The following CLUAP1 variants were observed in gnomAD, a reference collection of about 807,000 sequenced individuals.
CLUAP1 encodes the protein clusterin-associated protein 1.
Under a neutral mutation model 55.0 loss-of-function variants are expected in CLUAP1, and 50 were observed. That is an observed-to-expected ratio of 0.91 (90% CI 0.72 to 1.15). The LOEUF (loss-of-function observed/expected upper bound fraction) is 1.15. Ranked by LOEUF, CLUAP1 falls within the 50% of genes most tolerant of loss-of-function variation. The pLI, the probability that CLUAP1 is intolerant of heterozygous loss-of-function variation, is 0.00. For synonymous variants in CLUAP1, 195 were observed against 175.4 expected (o/e 1.11, Z -0.88); for missense variants, 530 against 507.6 (o/e 1.04, Z -0.42).
chr16:3,503,380 G>T (rs1353414101), intron 1 of CLUAP1, among the ~76,000 whole-genome samples: 1 of 152,174 alleles, frequency 6.6e-6, no homozygotes, highest in East Asian at 1.9e-4. Flanking sequence ...AGCCAGGATG[G>T]TCTCAATCTC....
chr16:3,512,653 G>A (rs2037652159), intron 5 of CLUAP1, among the ~76,000 whole-genome samples, 175 bp downstream of exon 5: 1 of 152,112 alleles, frequency 6.6e-6, no homozygotes, highest in South Asian at 2.1e-4. Context: ...GTGGGCACTG[G>A]TCTAGCTTTA....
upstream of CLUAP1, chr16:3,496,190 G>C: frequency 1.9e-6 from 1 of 539,840 alleles, no homozygotes; most frequent in Non-Finnish European, 3.6e-6. Flanking sequence ...GGCCAAGCAG[G>C]AAGCGCCATC....
chr16:3,526,301 T>C (rs1483168908), intron 8 of CLUAP1, 111 bp from the exon 9 acceptor site: 1 of 526,036 alleles, frequency 1.9e-6, no homozygotes, highest in Non-Finnish European at 3.1e-6. Flanking sequence ...TGAGTTTAGC[T>C]CTTTTTTTGT....
chr16:3,523,035 G>T, intron 7 of CLUAP1, 123 bp from the exon 8 acceptor site: 1 of 681,646 alleles, frequency 1.5e-6, no homozygotes, highest in Non-Finnish European at 2.2e-6. Flanking sequence ...TTACAAGAAT[G>T]AAGGACCTTC....
chr16:3,515,312 C>G (rs538584116), intron 5 of CLUAP1, 196 bp from the exon 6 acceptor site: 30 of 461,616 alleles, frequency 6.5e-5, no homozygotes, highest in Middle Eastern at 1.1e-3. Flanking sequence ...GGACCTTGAG[C>G]TCTGGAGAGA....
chr16:3,523,740 G>T (rs529089802), intron 8 of CLUAP1, among the ~76,000 whole-genome samples: 1 of 152,196 alleles, frequency 6.6e-6, no homozygotes, highest in Non-Finnish European at 1.5e-5. Flanking sequence ...CAAGACGAGC[G>T]GATCACTTGA....
At chr16:3,499,579 C>A (rs1371632730), upstream of CLUAP1, among the ~76,000 whole-genome samples, 1 of 152,204 alleles carries the variant, frequency 6.6e-6, no homozygotes, top group African/African-American at 2.4e-5. Context: ...CATATATCTT[C>A]TTTTGTGAAG....
At chr16:3,506,526 T>C (rs939284918) in intron 3 of CLUAP1, 111 bp downstream of exon 3, 2 of 864,826 alleles carry the variant, frequency 2.3e-6, no homozygotes, top group Non-Finnish European at 3.8e-6. Context: ...TCTTTTTTTT[T>C]GAGATGGAGT....
the CLUAP1 span, among the ~76,000 whole-genome samples, chr16:3,495,670 T>A: frequency 6.6e-6 from 1 of 152,078 alleles, no homozygotes; most frequent in Admixed American, 6.6e-5. Flanking sequence ...CTGGCTGGGG[T>A]CAGGCCACAT....
rs190396815 is a variant in CLUAP1 at position 3,507,355 on chromosome 16, A to G, written c.220-934A>G. The stretch of plus-strand genomic sequence containing the variant: ...ATAGCTTGAGTCCAGGAGTTTGAGA[A>G]CAGCCTGGGTGATGTAGTGAGATCC... On this transcript the variant is annotated intron_variant, in intron 3 of 11. Coordinates refer to ENST00000576634, the MANE Select transcript of CLUAP1 (RefSeq NM_015041.3). 3.3e-5 allele frequency among the ~76,000 whole-genome samples: 5 copies of G among 151,884 alleles called. No homozygotes were observed. In the East Asian group the frequency reaches 7.7e-4, roughly 23 times the overall value.
upstream of CLUAP1, among the ~76,000 whole-genome samples, chr16:3,497,634 T>C (rs1039664874): frequency 4.6e-5 from 7 of 152,032 alleles, no homozygotes; most frequent in Non-Finnish European, 8.8e-5. Context: ...CCTTATATAA[T>C]TTTTTCTGAG....
intron 4 of CLUAP1, among the ~76,000 whole-genome samples, chr16:3,511,840 C>T (rs1465968921): frequency 1.3e-5 from 2 of 152,098 alleles, no homozygotes; most frequent in Non-Finnish European, 2.9e-5. Context: ...GTCACGTGTC[C>T]CAACCAAAGG....
chr16:3,499,367 T>G (rs2037346290), upstream of CLUAP1, among the ~76,000 whole-genome samples: 1 of 152,254 alleles, frequency 6.6e-6, no homozygotes, highest in African/African-American at 2.4e-5. Flanking sequence ...TTCAAGTTGA[T>G]CAACATCCTT....
At position 3,508,354 on chromosome 16, in the gene CLUAP1, A is replaced by G. The variant is rs762197966; in HGVS notation, c.285A>G (p.Lys95=). 3.1e-6 allele frequency: 5 copies of G among 1,610,912 alleles called. No individual in the cohort carries two copies. In the South Asian group the frequency reaches 5.5e-5, roughly 18 times the overall value. The change falls in exon 4 of 12, where the codon AAA becomes AAG. Residue 95 remains lysine, a synonymous_variant. Transcript: ENST00000576634. The part of the protein sequence containing the change: ...KLYQADGYAV[K]ELLKITSVLY... ...ATCAAGCAGATGGGTATGCGGTAAA[A>G]GAGCTGCTGAAGATCACATCTGTCC...
intron 5 of CLUAP1, 83 bp downstream of exon 5, chr16:3,512,561 C>A: frequency 1.8e-6 from 2 of 1,081,094 alleles, no homozygotes; most frequent in South Asian, 1.3e-5. Context: ...CTTTTCAGTT[C>A]TGATTTAATG....
chr16:3,535,708 C>T (rs1268201510), intron 11 of CLUAP1: 1 of 171,472 alleles, frequency 5.8e-6, no homozygotes, highest in African/African-American at 2.4e-5. Context: ...CACTTTGCTC[C>T]TTATACCAAT....
chr16:3,500,402 G>C (rs1302306985), upstream of CLUAP1, among the ~76,000 whole-genome samples: 1 of 141,684 alleles, frequency 7.1e-6, no homozygotes, highest in Admixed American at 7.5e-5. Flanking sequence ...ACAGAGTCTC[G>C]CTCTGTCGCC....
At chr16:3,533,393 C>A in intron 11 of CLUAP1, 1 of 542,304 alleles carries the variant, frequency 1.8e-6, no homozygotes, top group East Asian at 3.1e-5. Context: ...TGGGCCGCCA[C>A]CTAGAAATGA....
At chr16:3,501,932 G>C (rs1031922339) in intron 1 of CLUAP1, 1 of 152,130 alleles carries the variant, frequency 6.6e-6, no homozygotes, top group Non-Finnish European at 1.5e-5. Context: ...ACAACTCTGT[G>C]CCCCCTGTAT....
Sources: gnomAD v4.1 joint callset for allele counts (sites outside exome capture counted in the v4.1 genomes callset) on GRCh38, gnomAD v4.1.1 for gene constraint, MANE v1.5 for transcripts, NCBI Gene and HGNC (gene_info 2026-07-23, HGNC 2026-07-21) for gene names.